The following POLR2F variants were observed in gnomAD, a reference collection of about 807,000 sequenced individuals.
POLR2F encodes RNA polymerase II, I and III subunit F.
A neutral mutation model predicts 22.7 loss-of-function variants in POLR2F; 12 were observed. That is an observed-to-expected ratio of 0.53 (90% CI 0.34 to 0.86). The LOEUF is 0.86. Among genes scored for constraint, POLR2F ranks in the 40% least tolerant of loss-of-function variants. POLR2F has a pLI of 0.02. For synonymous variants in POLR2F, 57 were observed against 66.0 expected (o/e 0.86, Z 0.66); for missense variants, 126 against 171.5 (o/e 0.73, Z 1.48).
intron 1 of POLR2F, among the ~76,000 whole-genome samples, chr22:38,013,563 C>T (rs1007282888): frequency 6.6e-6 from 1 of 152,172 alleles, no homozygotes; most frequent in Admixed American, 6.6e-5. Flanking sequence ...TAACTTATAC[C>T]CTTGTCAAAA....
At chr22:38,022,521 A>T (rs1343620249) in intron 1 of POLR2F, among the ~76,000 whole-genome samples, 1 of 150,022 alleles carries the variant, frequency 6.7e-6, no homozygotes, top group Admixed American at 6.7e-5. Context: ...ACTGCACTCC[A>T]GCCTGGGCAA....
intron 1 of POLR2F, among the ~76,000 whole-genome samples, chr22:38,023,207 G>T (rs2084976291): frequency 1.3e-5 from 2 of 152,120 alleles, no homozygotes; most frequent in African/African-American, 4.8e-5. Flanking sequence ...GGTCTGGCAG[G>T]GGACCTAGTC....
intron 2 of POLR2F, among the ~76,000 whole-genome samples, chr22:37,958,986 A>G (rs1931514741): frequency 6.6e-6 from 1 of 151,952 alleles, no homozygotes; most frequent in Non-Finnish European, 1.5e-5. Context: ...GCTTAGGGTA[A>G]TTTTTTTGTG....
downstream of POLR2F, chr22:37,974,162 G>C (rs763676505): frequency 6.2e-7 from 1 of 1,608,348 alleles, no homozygotes; most frequent in Non-Finnish European, 8.5e-7. The surrounding 1 kb of genome is among the most constrained non-coding windows in gnomAD (Gnocchi z 5.4). Context: ...CTCTGTCTTC[G>C]GGGTGGTTGG....
chr22:38,006,497 A>G lies in POLR2F; in HGVS notation c.121-19372A>G, dbSNP rs535727584. 3.9e-5 allele frequency among the ~76,000 whole-genome samples: 6 copies of G among 152,330 alleles called. No individual in the cohort carries two copies. In the South Asian group the frequency reaches 1.2e-3, roughly 32 times the overall value. ...TGTGTGCCAGGCCAGGCGCCGAGGC[A>G]CATGTTGGGAAGACAGAGGAGACGA... On this transcript the variant is annotated intron_variant, in intron 1 of 2. Transcript: ENST00000333418.
At chr22:38,009,420 C>T (rs1331530851) in intron 1 of POLR2F, among the ~76,000 whole-genome samples, 1 of 152,154 alleles carries the variant, frequency 6.6e-6, no homozygotes. Flanking sequence ...CTGGGGGTGG[C>T]CTGGCAGGCC....
intron 1 of POLR2F, among the ~76,000 whole-genome samples, chr22:38,011,462 CTTTT>C (rs76830973): frequency 1.4e-4 from 19 of 137,386 alleles, no homozygotes; most frequent in Admixed American, 7.3e-4. Context: ...GGTTATGGTT[CTTTT>C]TTTTTTTTTT....
At chr22:37,990,388 T>C (rs1029346810) in intron 1 of POLR2F, among the ~76,000 whole-genome samples, 7 of 152,264 alleles carry the variant, frequency 4.6e-5, no homozygotes, top group Non-Finnish European at 5.9e-5. Context: ...CAGCACTGCC[T>C]CTGGCAGCCT....
chr22:37,962,104 G>T (rs151334753), intron 3 of POLR2F, among the ~76,000 whole-genome samples: 3 of 152,000 alleles, frequency 2.0e-5, no homozygotes, highest in African/African-American at 7.3e-5. Context: ...GGTGGCGTGC[G>T]CCTGTAGTCC....
chr22:37,967,303 C>T, intron 4 of POLR2F, 133 bp downstream of exon 4: 1 of 1,524,180 alleles, frequency 6.6e-7, no homozygotes, highest in Middle Eastern at 1.8e-4. Context: ...TTAGGAACAG[C>T]TCACCAGGAA....
intron 1 of POLR2F, among the ~76,000 whole-genome samples, chr22:37,996,384 A>G (rs961657372): frequency 2.0e-5 from 3 of 152,192 alleles, no homozygotes; most frequent in Non-Finnish European, 4.4e-5. Context: ...CTGGCGAGAG[A>G]GCTCACAGCC....
intron 1 of POLR2F, among the ~76,000 whole-genome samples, chr22:37,995,218 C>G (rs1480729316): frequency 6.6e-6 from 1 of 152,210 alleles, no homozygotes; most frequent in Non-Finnish European, 1.5e-5. Flanking sequence ...GAGACAGGCC[C>G]ACATTTGCTT....
upstream of POLR2F, among the ~76,000 whole-genome samples, chr22:37,985,598 G>A (rs966919960): frequency 6.6e-6 from 1 of 152,174 alleles, no homozygotes; most frequent in Admixed American, 6.5e-5. Flanking sequence ...TGGAGCTGGG[G>A]TCGCATTGGC....
chr22:38,007,711 G>A (rs1285325017), intron 1 of POLR2F, among the ~76,000 whole-genome samples: 1 of 152,200 alleles, frequency 6.6e-6, no homozygotes, highest in African/African-American at 2.4e-5. Flanking sequence ...CAGGCCTTCC[G>A]CAAAGACTTG....
At chr22:37,983,953 T>C (rs1932492061), upstream of POLR2F, 1 of 419,738 alleles carries the variant, frequency 2.4e-6, no homozygotes. This position sits in a 1 kb window ranked among gnomAD's most constrained non-coding sequence, Gnocchi z 9.5. Flanking sequence ...AGCCCCGAGG[T>C]GGCGGCCCTT....
Position 37,978,245 on chromosome 22 carries a change from G to C in POLR2F, c.293+11075G>C, listed in dbSNP as rs1332423519. 12 of 1,227,994 alleles carry C rather than the reference G, an allele frequency of 9.8e-6. No individual in the cohort carries two copies. The highest frequency in any genetic ancestry group is 1.2e-5 in the Non-Finnish European group (11 of 910,798). 76.1% of individuals were successfully genotyped at this position (1,227,994 alleles called of 1,614,324 possible). A position where few individuals can be genotyped will look rare whatever the true frequency, so the allele number is the denominator to read the frequency against. On this transcript the variant is annotated intron_variant, in intron 4 of 4. Coordinates refer to the POLR2F transcript ENST00000405557. This position sits in a 1 kb window ranked among gnomAD's most constrained non-coding sequence, Gnocchi z 5.0. The stretch of plus-strand genomic sequence containing the variant: ...CCATCTTGGAAGATGTGAGGCCCTG[G>C]GATGGGGCACCCAGAGGACAGGACC...
At chr22:37,976,896 C>T (rs1932237163) in intron 4 of POLR2F, among the ~76,000 whole-genome samples, 1 of 152,122 alleles carries the variant, frequency 6.6e-6, no homozygotes, top group Admixed American at 6.5e-5. Flanking sequence ...CATGCCATGT[C>T]TCCTCTGTCA....
chr22:38,015,575 G>T (rs868762754), intron 1 of POLR2F, among the ~76,000 whole-genome samples: 4 of 152,188 alleles, frequency 2.6e-5, no homozygotes, highest in Non-Finnish European at 4.4e-5. Context: ...GAATAGGCAG[G>T]AAAGATTCCT....
At chr22:38,035,828 C>G (rs1269851658) in intron 5 of POLR2F, among the ~76,000 whole-genome samples, 1 of 152,150 alleles carries the variant, frequency 6.6e-6, no homozygotes, top group African/African-American at 2.4e-5. Flanking sequence ...CGTCTCAGAG[C>G]CCCCTTCCTG....
Sources: allele counts gnomAD v4.1 joint callset (sites outside exome capture counted in the v4.1 genomes callset), GRCh38; gene constraint gnomAD v4.1.1; non-coding constraint Gnocchi (gnomAD v3.1); transcripts MANE v1.5; gene names NCBI Gene and HGNC (gene_info 2026-07-23, HGNC 2026-07-21).